Variants in PLK4 observed in about 807,000 individuals in gnomAD.
PLK4 encodes the protein serine/threonine-protein kinase PLK4.
PLK4 carries 51 observed loss-of-function variants against 103.0 expected under a neutral mutation model. That is an observed-to-expected ratio of 0.50 (90% CI 0.40 to 0.63). The LOEUF (loss-of-function observed/expected upper bound fraction) is 0.63, where lower values mean the gene tolerates loss of function less well. PLK4 is among the 20% of genes least tolerant of loss of function. The pLI, the probability that PLK4 is intolerant of heterozygous loss-of-function variation, is 0.00. For missense variants in PLK4, 1,054 were observed against 1,151.0 expected, an observed-to-expected ratio of 0.92 and a Z score of 1.22; for synonymous variants, 389 against 376.8, an observed-to-expected ratio of 1.03 and a Z score of -0.38.
chr4:127,887,906 G>A (rs545924287), intron 6 of PLK4, among the ~76,000 whole-genome samples: 7 of 147,260 alleles, frequency 4.8e-5, no homozygotes, highest in South Asian at 4.3e-4. Flanking sequence ...TTGGCCAGGC[G>A]TGGTGGCTCA....
At chr4:127,894,802 A>G (rs978121669) in intron 13 of PLK4, 151 bp from the exon 14 acceptor site, 8 of 521,694 alleles carry the variant, frequency 1.5e-5, no homozygotes, top group Non-Finnish European at 2.3e-5. Flanking sequence ...GTATTTTTCT[A>G]ATTTCCAATA....
At chr4:127,883,156 G>A (rs1734992140) in intron 2 of PLK4, 106 bp from the exon 3 acceptor site, 4 of 625,982 alleles carry the variant, frequency 6.4e-6, no homozygotes, top group Non-Finnish European at 8.5e-6. Context: ...CCACAAAGAC[G>A]TATAAAAGGA....
intron 6 of PLK4, among the ~76,000 whole-genome samples, chr4:127,889,449 A>G (rs1029614736): frequency 6.6e-6 from 1 of 152,166 alleles, no homozygotes; most frequent in Non-Finnish European, 1.5e-5. Context: ...AAGATGGGCT[A>G]GACAGTTCTT....
chr4:127,881,251 G>C (rs994289212), intron 1 of PLK4, 87 bp downstream of exon 1: 17 of 1,598,872 alleles, frequency 1.1e-5, no homozygotes, highest in Admixed American at 1.8e-5. Context: ...AGCGAACGAA[G>C]CTAACGGCTG....
chr4:127,896,838 G>A lies in PLK4; in HGVS notation c.2741G>A (p.Gly914Glu). Residue 914 changes from glycine to glutamate, a missense_variant, in exon 15 of 16, where the codon GGG becomes GAG. Transcript: ENST00000270861. ...SGAVWVQFNDGSQLVVQAGVS... is the reference protein window; with the variant it reads ...SGAVWVQFNDESQLVVQAGVS... ...GCTGTGTGGGTTCAGTTTAATGATG[G>A]GTCCCAGTTGGTTGTGCAGGCAGGA... is the stretch of plus-strand genomic sequence containing the variant. 1 of 1,612,222 alleles carries A rather than the reference G, an allele frequency of 6.2e-7. No homozygotes were observed. Among genetic ancestry groups the A allele is most frequent in the Non-Finnish European group, 8.5e-7 (1 of 1,178,812 alleles).
chr4:127,887,423 T>A lies in PLK4; in HGVS notation c.1386T>A (p.Thr462=). The change falls in exon 6 of 16, where the codon ACT becomes ACA. Residue 462 remains threonine (T), a synonymous_variant. Transcript: ENST00000270861. The stretch of plus-strand genomic sequence containing the variant: ...CCAATCATCTTTGTCCAGGAAAAAC[T>A]CCTTTTCCATTTGCAGACCCGACAC... The part of the protein sequence containing the change: ...ALSNHLCPGK[T]PFPFADPTPQ... The A allele has an allele frequency of 1.9e-6, 3 of 1,610,532 alleles. No homozygotes were observed. Among genetic ancestry groups the A allele is most frequent in the African/African-American group, 1.3e-5 (1 of 74,944 alleles).
Position 127,893,893 on chromosome 4 carries a change from T to A in PLK4, c.2562+12T>A, listed in dbSNP as rs763632707. The A allele has an allele frequency of 7.6e-7, 1 of 1,320,840 alleles. No homozygotes were observed. 81.8% of individuals were successfully genotyped at this position (1,320,840 alleles called of 1,614,324 possible). On this transcript the variant is annotated intron_variant, in intron 13 of 15. Coordinates refer to ENST00000270861, the MANE Select transcript of PLK4 (RefSeq NM_014264.5). ...TCCTTAATCCCTCTGTAAGTAAATA[T>A]ATGTCACTTCTGTACTTTAAACCTT...
intron 15 of PLK4, among the ~76,000 whole-genome samples, chr4:127,897,879 T>G (rs1735636083): frequency 7.5e-6 from 1 of 133,494 alleles, no homozygotes; most frequent in Non-Finnish European, 1.6e-5. Context: ...CTCGCTCTGT[T>G]GCCCAGGCTC....
At chr4:127,884,792 T>A (rs745369790) in intron 4 of PLK4, among the ~76,000 whole-genome samples, 4 of 151,704 alleles carry the variant, frequency 2.6e-5, no homozygotes, top group Non-Finnish European at 5.9e-5. Context: ...CAAAAAAAAT[T>A]AGCTCGGTGT....
chr4:127,884,780 T>C (rs1735055619), intron 4 of PLK4, among the ~76,000 whole-genome samples: 1 of 151,558 alleles, frequency 6.6e-6, no homozygotes, highest in Admixed American at 6.6e-5. Context: ...CTACTAAAAA[T>C]ACAAAAAAAA....
chr4:127,895,452 C>CTTTTT lies in PLK4; in HGVS notation c.2703+383_2703+387dup, dbSNP rs70966059. On this transcript the variant is annotated intron_variant, in intron 14 of 15. Coordinates refer to ENST00000270861, the MANE Select transcript of PLK4 (RefSeq NM_014264.5). ...TAATCAATATTAGTAGAGTAACTTT[C>CTTTTT]TTTTTTTTTTTTTTTTTTTTTTTTT... Among the ~76,000 whole-genome samples, 212 of 65,206 alleles carry CTTTTT rather than the reference C, an allele frequency of 3.3e-3. 40 individuals carry two copies. The highest frequency in any genetic ancestry group is 0.011 in the African/African-American group (170 of 15,086). 42.8% of individuals were successfully genotyped at this position (65,206 alleles called of 152,430 possible).
At chr4:127,896,750 G>GTT (rs35646358) in intron 14 of PLK4, 51 bp from the exon 15 acceptor site, 3,741 of 810,072 alleles carry the variant, frequency 4.6e-3, no homozygotes, top group South Asian at 8.0e-3. Flanking sequence ...TACTACTGCT[G>GTT]TTTTTTTTTT....
rs773699974 is a variant in PLK4 at position 127,893,849 on chromosome 4, T to G, written c.2530T>G (p.Ser844Ala). The G allele has an allele frequency of 6.2e-7, 1 of 1,601,248 alleles. No individual in the cohort carries two copies. The highest frequency in any genetic ancestry group is 1.1e-5 in the South Asian group (1 of 90,678). The stretch of plus-strand genomic sequence containing the variant: ...CAGAATGGTCATGCATAGTGCTGCT[T>G]CTCCAACACAGGCACCAATCCTTAA... ...FNRMVMHSAA[S>A]PTQAPILNPS... The change falls in exon 13 of 16, where the codon TCT becomes GCT. Residue 844 changes from serine (S) to alanine (A), a missense_variant. Ser to Ala is a moderately conservative substitution (Grantham distance 99, BLOSUM62 1). Around this residue, in one of 4 missense-constraint regions of PLK4, gnomAD observed 167 missense variants for 200.7 expected, o/e 0.83. Coordinates refer to ENST00000270861, the MANE Select transcript of PLK4 (RefSeq NM_014264.5).
Position 127,898,663 on chromosome 4 carries a change from C to T in PLK4, c.*122C>T. 1.7e-6 allele frequency: 1 copy of T among 603,848 alleles called. No homozygotes were observed. The highest frequency in any genetic ancestry group is 2.9e-6 in the Non-Finnish European group (1 of 342,582). 37.4% of individuals were successfully genotyped at this position (603,848 alleles called of 1,614,324 possible). ...AGCCTTTCTATGAAAGAATTTTAAC[C>T]TATAATGTAAAGGATGTATTCTGAG... On this transcript the variant is annotated 3_prime_UTR_variant, in exon 16 of 16. Transcript: ENST00000270861.
At chr4:127,893,698 G>A in intron 12 of PLK4, 36 bp from the exon 13 acceptor site, 2 of 1,589,358 alleles carry the variant, frequency 1.3e-6, no homozygotes, top group Non-Finnish European at 1.7e-6. Flanking sequence ...TAAATTGAAA[G>A]CTTCAAGGGA....
chr4:127,885,764 A>G lies in PLK4; in HGVS notation c.394A>G (p.Ile132Val). Reference sequence around the variant, plus strand: ...GATGTTGTATCTTCATTCTCATGGTATACTACACCGGGACCTCACACTTTC... The same window carrying G: ...GATGTTGTATCTTCATTCTCATGGTGTACTACACCGGGACCTCACACTTTC... The part of the protein sequence containing the change: ...TGMLYLHSHG[I>V]LHRDLTLSNL... The change falls in exon 5 of 16, where the codon ATA becomes GTA. Residue 132 changes from isoleucine (I) to valine (V), a missense_variant. Physicochemically the swap from Ile to Val is conservative, Grantham distance 29 (BLOSUM62 3). Coordinates refer to ENST00000270861, the MANE Select transcript of PLK4 (RefSeq NM_014264.5). 1 of 1,613,374 alleles carries G rather than the reference A, an allele frequency of 6.2e-7. No individual in the cohort carries two copies.
At chr4:127,890,991 T>G in intron 7 of PLK4, 101 bp from the exon 8 acceptor site, 1 of 606,606 alleles carries the variant, frequency 1.6e-6, no homozygotes, top group Non-Finnish European at 2.9e-6. Flanking sequence ...ACTTCAATAT[T>G]TGTTTCTGCC....
At position 127,899,152 on chromosome 4, in the gene PLK4, G is replaced by A. The variant is rs1447394585; in HGVS notation, c.*611G>A. ...ACTCACTTTTTAAATTTTGTTGCCTGTTGAGGAGCCAATTAAATTTTAAAT... is the reference window on the plus strand; with the variant it reads ...ACTCACTTTTTAAATTTTGTTGCCTATTGAGGAGCCAATTAAATTTTAAAT... On this transcript the variant is annotated 3_prime_UTR_variant, in exon 16 of 16. Transcript: ENST00000270861. 6.6e-6 allele frequency: 1 copy of A among 152,062 alleles called. No individual in the cohort carries two copies. The highest frequency in any genetic ancestry group is 6.5e-5 in the Admixed American group (1 of 15,270). The allele number at this position is 152,062 out of a possible 1,614,324, so 9.4% of individuals were successfully genotyped here.
chr4:127,893,087 C>A, intron 10 of PLK4, 198 bp from the exon 11 acceptor site: 1 of 416,812 alleles, frequency 2.4e-6, no homozygotes, highest in Non-Finnish European at 4.2e-6. Context: ...CAGGCTTAAA[C>A]CAGATATATG....
Sources: allele counts gnomAD v4.1 joint callset (sites outside exome capture counted in the v4.1 genomes callset), GRCh38; gene constraint gnomAD v4.1.1; regional missense constraint gnomAD v4.1.1; transcripts MANE v1.5; gene names NCBI Gene and HGNC (gene_info 2026-07-23, HGNC 2026-07-21).